Variants in NUP160 observed in about 807,000 individuals in gnomAD.
NUP160 encodes the protein nuclear pore complex protein Nup160.
In NUP160, 94 loss-of-function variants were observed where a neutral mutation model predicts 196.9. The observed-to-expected ratio is 0.48, with a 90% CI of 0.40 to 0.57. The LOEUF (loss-of-function observed/expected upper bound fraction) is 0.57. Ranked by LOEUF, NUP160 falls within the 20% of genes least tolerant of loss-of-function variation. The pLI is 0.00. For synonymous variants in NUP160, 605 were observed against 619.7 expected, an observed-to-expected ratio of 0.98 and a Z score of 0.35; for missense variants, 1,638 against 1,748.3, an observed-to-expected ratio of 0.94 and a Z score of 1.13.
intron 11 of NUP160, among the ~76,000 whole-genome samples, chr11:47,816,512 T>C (rs2097684556): frequency 1.3e-5 from 2 of 152,178 alleles, no homozygotes; most frequent in South Asian, 4.1e-4. Context: ...TGGTGGCTCA[T>C]GCCTATAATC....
rs1434862172 is a variant in NUP160, at chr11:47,780,452, A to G, written c.4117-5T>C. 3 of 1,594,030 alleles carry G rather than the reference A, an allele frequency of 1.9e-6. No individual in the cohort carries two copies. The highest frequency in any genetic ancestry group is 2.6e-6 in the Non-Finnish European group (3 of 1,161,840). On this transcript the variant is annotated splice_region_variant and splice_polypyrimidine_tract_variant and intron_variant, in intron 34 of 35. Coordinates refer to ENST00000378460, the Ensembl canonical transcript of NUP160. Reference sequence around the variant, plus strand: ...GGCTGTTGCGGACAGTGGAAACTAAAAGGAAAATGTTTATTTGAAAACAGT... The same window carrying G: ...GGCTGTTGCGGACAGTGGAAACTAAGAGGAAAATGTTTATTTGAAAACAGT...
chr11:47,799,086 T>G (rs1485097727), intron 23 of NUP160, among the ~76,000 whole-genome samples: 2 of 151,982 alleles, frequency 1.3e-5, no homozygotes, highest in East Asian at 3.8e-4. Flanking sequence ...ACTAAATGAC[T>G]GACATAATCC....
intron 28 of NUP160, chr11:47,792,374 A>G (rs2097668383): frequency 4.5e-6 from 1 of 219,920 alleles, no homozygotes; most frequent in Non-Finnish European, 8.9e-6. Flanking sequence ...CACAATAGAA[A>G]TAAAAGCAGC....
intron 2 of NUP160, among the ~76,000 whole-genome samples, chr11:47,842,354 C>T (rs1458668470): frequency 3.3e-5 from 5 of 152,150 alleles, no homozygotes; most frequent in Non-Finnish European, 7.3e-5. Flanking sequence ...TCTGGTAACT[C>T]ACGGCATCAG....
chr11:47,825,454 CTT>C (rs776138457), intron 7 of NUP160, among the ~76,000 whole-genome samples: 12 of 122,784 alleles, frequency 9.8e-5, no homozygotes, highest in Non-Finnish European at 8.4e-5. Flanking sequence ...TAATTTTTGC[CTT>C]TTTTTTTTTT....
intron 27 of NUP160, chr11:47,796,152 TAAAA>T (rs35398008): frequency 2.4e-3 from 280 of 118,492 alleles, no homozygotes; most frequent in South Asian, 4.4e-3. Flanking sequence ...AGACTTCATC[TAAAA>T]AAAAAAAAAA....
chr11:47,811,990 CA>C, intron 17 of NUP160, 73 bp downstream of exon 17: 2 of 1,392,170 alleles, frequency 1.4e-6, no homozygotes, highest in Non-Finnish European at 2.0e-6. Context: ...GTAGGGCTGA[CA>C]TTTTGCTCCT....
intron 9 of NUP160, 91 bp downstream of exon 9, chr11:47,821,633 T>A (rs1851859432): frequency 3.3e-6 from 3 of 906,322 alleles, no homozygotes. Flanking sequence ...GTGTTAGGAT[T>A]ACAGGCATGA....
chr11:47,826,113 T>G (rs1372526049), intron 7 of NUP160, among the ~76,000 whole-genome samples: 4 of 152,136 alleles, frequency 2.6e-5, no homozygotes, highest in East Asian at 1.9e-4. Flanking sequence ...GGACATAAAA[T>G]CAATTTAGCA....
chr11:47,792,583 T>A (rs2097668479), intron 28 of NUP160: 3 of 497,364 alleles, frequency 6.0e-6, no homozygotes, highest in Non-Finnish European at 1.0e-5. Context: ...TATTTCTTCC[T>A]ACAATAATTC....
At chr11:47,830,005 A>C (rs1852043549) in intron 7 of NUP160, among the ~76,000 whole-genome samples, 1 of 152,200 alleles carries the variant, frequency 6.6e-6, no homozygotes, top group South Asian at 2.1e-4. Flanking sequence ...TCTATAAGGA[A>C]CTTAAATTTA....
intron 34 of NUP160, among the ~76,000 whole-genome samples, chr11:47,781,180 G>GCA (rs2097660595): frequency 6.6e-6 from 1 of 152,014 alleles, no homozygotes; most frequent in South Asian, 2.1e-4. Context: ...CCGAGATCAT[G>GCA]CCACTGCACT....
At chr11:47,816,830 G>C (rs1190964856) in intron 11 of NUP160, among the ~76,000 whole-genome samples, 1 of 151,466 alleles carries the variant, frequency 6.6e-6, no homozygotes, top group African/African-American at 2.4e-5. Flanking sequence ...TTTTAATAGA[G>C]ATGGGAATCT....
chr11:47,822,424 AT>A (rs1264846168), intron 7 of NUP160, among the ~76,000 whole-genome samples: 1 of 151,800 alleles, frequency 6.6e-6, no homozygotes, highest in Non-Finnish European at 1.5e-5. Flanking sequence ...TGCCCGGCTA[AT>A]TTTTGTATTT....
At chr11:47,793,950 C>G (rs2097669427) in intron 27 of NUP160, among the ~76,000 whole-genome samples, 2 of 151,824 alleles carry the variant, frequency 1.3e-5, no homozygotes, top group Admixed American at 1.3e-4. Context: ...GACGCCACTA[C>G]AAGGATGAAC....
At chr11:47,814,165 CAAAA>C (rs35462011) in intron 13 of NUP160, among the ~76,000 whole-genome samples, 95 of 147,890 alleles carry the variant, frequency 6.4e-4, no homozygotes, top group South Asian at 3.4e-3. Context: ...AACAAACAAA[CAAAA>C]AAAAGAAACA....
chr11:47,827,833 G>T (rs1337457030), intron 7 of NUP160, among the ~76,000 whole-genome samples: 1 of 146,494 alleles, frequency 6.8e-6, no homozygotes, highest in Non-Finnish European at 1.5e-5. Flanking sequence ...AGAAGGAAAA[G>T]AAAAAAAGAA....
chr11:47,783,027 C>G (rs545018817), intron 34 of NUP160, 46 bp downstream of exon 34: 1 of 1,530,836 alleles, frequency 6.5e-7, no homozygotes. Flanking sequence ...GTTGAAAAAT[C>G]GTAAGTCAAA....
At chr11:47,790,366 T>G (rs1470786556) in intron 29 of NUP160, among the ~76,000 whole-genome samples, 10 of 151,586 alleles carry the variant, frequency 6.6e-5, no homozygotes, top group Admixed American at 5.9e-4. Context: ...TTCAAGCAAT[T>G]CTCCTGCCTC....
Sources: gnomAD v4.1 joint callset for allele counts (sites outside exome capture counted in the v4.1 genomes callset) on GRCh38, gnomAD v4.1.1 for gene constraint, MANE v1.5 for transcripts, NCBI Gene and HGNC (gene_info 2026-07-23, HGNC 2026-07-21) for gene names.